The following C5orf47 variants were observed in gnomAD, a reference collection of about 807,000 sequenced individuals.
C5orf47 encodes chromosome 5 open reading frame 47.
A neutral mutation model predicts 20.6 loss-of-function variants in C5orf47; 20 were observed. The observed-to-expected ratio is 0.97, with a 90% CI of 0.68 to 1.41. The LOEUF is 1.41. Among genes scored for constraint, C5orf47 ranks in the 40% most tolerant of loss-of-function variants. C5orf47 has a pLI of 0.00. For missense variants in C5orf47, 262 were observed against 238.4 expected (o/e 1.10, Z -0.65); for synonymous variants, 106 against 97.3 (o/e 1.09, Z -0.53).
At chr5:173,990,557 C>T (rs1383302789) in intron 1 of C5orf47, among the ~76,000 whole-genome samples, 4 of 152,148 alleles carry the variant, frequency 2.6e-5, no homozygotes, top group South Asian at 2.1e-4. Context: ...GCCTCAGCCT[C>T]CCAGGTAGCT....
In C5orf47 at chr5:173,989,594, G is replaced by A; in HGVS notation, c.325+6G>A. The A allele has an allele frequency of 1.4e-6, 2 of 1,434,068 alleles. No homozygotes were observed. The highest frequency in any genetic ancestry group is 1.5e-5 in the South Asian group (1 of 68,722). The allele number at this position is 1,434,068 out of a possible 1,614,324, so 88.8% of individuals were successfully genotyped here. ...CAGACAGTCGGCGCGTGCAGGTGGT[G>A]CAGCGGGGCAGGGCGGGACCGGGCG... On this transcript the variant is annotated splice_donor_region_variant and intron_variant, in intron 1 of 4. Transcript: ENST00000340147.
chr5:174,006,461 T>C (rs771003810), downstream of C5orf47, among the ~76,000 whole-genome samples: 1 of 152,152 alleles, frequency 6.6e-6, no homozygotes, highest in Non-Finnish European at 1.5e-5. Context: ...ACCTGAAAGG[T>C]TTCAGGTAAA....
In C5orf47 at chr5:174,004,481, T is replaced by C. The variant is rs1759252076; in HGVS notation, c.*227T>C. On this transcript the variant is annotated 3_prime_UTR_variant, in exon 5 of 5. Coordinates refer to ENST00000340147, the MANE Select transcript of C5orf47 (RefSeq NM_001144954.2). ...AGTTAAATATTGTTAACCATATGCA[T>C]GCAAGTGTTATTTTCAGAATTAATG... 6.6e-6 allele frequency: 1 copy of C among 152,272 alleles called. No individual in the cohort carries two copies. The highest frequency in any genetic ancestry group is 6.5e-5 in the Admixed American group (1 of 15,276). The allele number at this position is 152,272 out of a possible 1,614,324, so 9.4% of individuals were successfully genotyped here.
At chr5:174,006,527 T>G (rs1477973311), downstream of C5orf47, among the ~76,000 whole-genome samples, 1 of 152,184 alleles carries the variant, frequency 6.6e-6, no homozygotes, top group Non-Finnish European at 1.5e-5. Context: ...ACTAATTAAA[T>G]TCAGGGTATT....
rs183656364 is a variant in C5orf47 at position 174,005,861 on chromosome 5, C to T, written c.*1607C>T. On this transcript the variant is annotated 3_prime_UTR_variant, in exon 5 of 5. Transcript: ENST00000340147. ...TAAAATAAGAGTCTAATGCTGGATA[C>T]AAACTCAGTTTATTTCACTGTTCTA... 17 of 152,290 alleles carry T rather than the reference C, an allele frequency of 1.1e-4. No homozygotes were observed. Among genetic ancestry groups the T allele is most frequent in the Non-Finnish European group, 2.2e-4 (15 of 68,020 alleles). 9.4% of individuals were successfully genotyped at this position (152,290 alleles called of 1,614,324 possible).
Position 173,989,403 on chromosome 5 carries a change from C to T in C5orf47, c.140C>T (p.Ala47Val), listed in dbSNP as rs753793741. ...AQGLWGQGPG[A>V]GCRQEKPREA... ...GGCCTTTGGGGTCAGGGGCCTGGGG[C>T]AGGCTGTCGCCAGGAGAAGCCGAGG... Residue 47 changes from alanine (A) to valine (V), a missense_variant, in exon 1 of 5, where the codon GCA (alanine) becomes GTA (valine). By Grantham distance (64) the Ala-to-Val change is moderately conservative (BLOSUM62 0). Coordinates refer to ENST00000340147, the MANE Select transcript of C5orf47 (RefSeq NM_001144954.2). 2.6e-6 allele frequency: 4 copies of T among 1,545,122 alleles called. No homozygotes were observed. The highest frequency in any genetic ancestry group is 4.9e-5 in the East Asian group (2 of 40,688).
chr5:174,001,248 G>C lies in C5orf47; in HGVS notation c.*16+17G>C, dbSNP rs767962236. The C allele has an allele frequency of 1.4e-5, 19 of 1,329,954 alleles. No individual in the cohort carries two copies. The South Asian group carries it at 1.8e-4, about 13-fold the overall frequency. The allele number at this position is 1,329,954 out of a possible 1,614,324, so 82.4% of individuals were successfully genotyped here. On this transcript the variant is annotated intron_variant, in intron 4 of 4. Coordinates refer to ENST00000340147, the MANE Select transcript of C5orf47 (RefSeq NM_001144954.2). The stretch of plus-strand genomic sequence containing the variant: ...TATCTTCTGGTAAGAATTTATTTAC[G>C]TAATAATTATGGAATATAGATTTTA...
chr5:174,002,350 A>G (rs1235772080), intron 4 of C5orf47, among the ~76,000 whole-genome samples: 1 of 152,134 alleles, frequency 6.6e-6, no homozygotes, highest in African/African-American at 2.4e-5. Flanking sequence ...ATTCTTTAAC[A>G]CAGTAACCTA....
downstream of C5orf47, among the ~76,000 whole-genome samples, chr5:174,007,985 C>T (rs563841713): frequency 3.3e-5 from 5 of 152,110 alleles, no homozygotes; most frequent in African/African-American, 7.2e-5. Context: ...ACAGGTGGCT[C>T]GTATACTGGA....
chr5:174,000,156 C>T (rs1759170130), intron 3 of C5orf47, among the ~76,000 whole-genome samples: 1 of 152,076 alleles, frequency 6.6e-6, no homozygotes, highest in African/African-American at 2.4e-5. Context: ...ATTTTAACTG[C>T]AATATAAAAT....
At chr5:174,007,978 G>T (rs1219773171), downstream of C5orf47, among the ~76,000 whole-genome samples, 3 of 152,200 alleles carry the variant, frequency 2.0e-5, no homozygotes, top group African/African-American at 7.2e-5. Flanking sequence ...ACAAGCAACA[G>T]GTGGCTCGTA....
chr5:173,989,284 T>G lies in C5orf47; in HGVS notation c.21T>G (p.Gly7=). The G allele has an allele frequency of 7.2e-7, 1 of 1,381,076 alleles. No individual in the cohort carries two copies. Among genetic ancestry groups the G allele is most frequent in the Non-Finnish European group, 9.4e-7 (1 of 1,063,178 alleles). 85.6% of individuals were successfully genotyped at this position (1,381,076 alleles called of 1,614,324 possible). A position where few individuals can be genotyped will look rare whatever the true frequency, so the allele number is the denominator to read the frequency against. MAAAGR[G]REQDSARFVY... ...CTGCGATGGCGGCGGCAGGCCGGGG[T>G]CGGGAGCAGGACTCGGCGCGCTTCG... Residue 7 remains glycine, a synonymous_variant, in exon 1 of 5, where the codon GGT becomes GGG. Coordinates refer to ENST00000340147, the MANE Select transcript of C5orf47 (RefSeq NM_001144954.2).
At chr5:173,992,764 T>A (rs551512238) in intron 1 of C5orf47, among the ~76,000 whole-genome samples, 13 of 152,326 alleles carry the variant, frequency 8.5e-5, no homozygotes, top group African/African-American at 2.9e-4. Flanking sequence ...CTAATTTTTA[T>A]TTTTAATTTT....
At position 174,004,786 on chromosome 5, in the gene C5orf47, T is replaced by C. The variant is rs1325906906; in HGVS notation, c.*532T>C. The C allele has an allele frequency of 1.3e-5, 2 of 152,278 alleles. No individual in the cohort carries two copies. The highest frequency in any genetic ancestry group is 4.8e-5 in the African/African-American group (2 of 41,448). 9.4% of individuals were successfully genotyped at this position (152,278 alleles called of 1,614,324 possible). On this transcript the variant is annotated 3_prime_UTR_variant, in exon 5 of 5. Transcript: ENST00000340147. ...GTGTTAAAACTAAGCTAATGATTATTTAAGCCATCTTTTCATCCTAAGGAA... is the reference window on the plus strand; with the variant it reads ...GTGTTAAAACTAAGCTAATGATTATCTAAGCCATCTTTTCATCCTAAGGAA...
At chr5:174,006,996 TTC>T (rs1216422359), downstream of C5orf47, among the ~76,000 whole-genome samples, 3 of 152,068 alleles carry the variant, frequency 2.0e-5, no homozygotes, top group Non-Finnish European at 4.4e-5. Context: ...GCCTCAAAGG[TTC>T]TCTGTTTGTC....
At chr5:173,996,694 C>G (rs962573753) in intron 1 of C5orf47, among the ~76,000 whole-genome samples, 1 of 152,138 alleles carries the variant, frequency 6.6e-6, no homozygotes, top group Non-Finnish European at 1.5e-5. Flanking sequence ...TAAATTATTA[C>G]TTCAGTGGAA....
At chr5:174,008,757 C>T (rs949670648), downstream of C5orf47, among the ~76,000 whole-genome samples, 15 of 146,768 alleles carry the variant, frequency 1.0e-4, no homozygotes, top group Admixed American at 1.4e-4. Flanking sequence ...GGCATGAACC[C>T]GGGAGGCGGA....
rs1758922842 is a variant in C5orf47, at chr5:173,989,170, A to C, written c.-94A>C. The C allele has an allele frequency of 9.2e-7, 1 of 1,090,008 alleles. No individual in the cohort carries two copies. The highest frequency in any genetic ancestry group is 1.1e-6 in the Non-Finnish European group (1 of 878,162). 67.5% of individuals were successfully genotyped at this position (1,090,008 alleles called of 1,614,324 possible). ...AATCCCCGCAGGGTGGTCTGGCCCT[A>C]ACCGCTCCCGCATCCCTCGCCTGCA... On this transcript the variant is annotated 5_prime_UTR_variant, in exon 1 of 5. Transcript: ENST00000340147.
intron 1 of C5orf47, among the ~76,000 whole-genome samples, chr5:173,990,804 A>G (rs1758981968): frequency 6.6e-6 from 1 of 152,212 alleles, no homozygotes; most frequent in Non-Finnish European, 1.5e-5. Context: ...GAGGTTTGAC[A>G]GATTTATACA....
Sources: gnomAD v4.1 joint callset for allele counts (sites outside exome capture counted in the v4.1 genomes callset) on GRCh38, gnomAD v4.1.1 for gene constraint, MANE v1.5 for transcripts, NCBI Gene and HGNC (gene_info 2026-07-23, HGNC 2026-07-21) for gene names.